Variants in ATAD5 observed in about 807,000 individuals in gnomAD.
ATAD5 encodes the protein ATPase family AAA domain-containing protein 5.
A neutral mutation model predicts 176.9 loss-of-function variants in ATAD5; 58 were observed. The ratio of observed to expected loss-of-function variants is 0.33; its 90% CI spans 0.27 to 0.41. The LOEUF is 0.41. Ranked by LOEUF, ATAD5 falls within the 10% of genes least tolerant of loss-of-function variation. ATAD5 has a pLI of 1.00. For synonymous variants in ATAD5, 640 were observed against 712.6 expected (o/e 0.90, Z 1.62); for missense variants, 1,789 against 2,094.1 (o/e 0.85, Z 2.84).
At chr17:30,866,799 A>T (rs1481923791) in intron 11 of ATAD5, among the ~76,000 whole-genome samples, 1 of 152,130 alleles carries the variant, frequency 6.6e-6, no homozygotes, top group Non-Finnish European at 1.5e-5. Context: ...TGGGCAACAG[A>T]GTAAGACTCT....
intron 6 of ATAD5, among the ~76,000 whole-genome samples, chr17:30,848,346 G>A (rs954909259): frequency 2.0e-5 from 3 of 151,696 alleles, no homozygotes; most frequent in Admixed American, 2.0e-4. Flanking sequence ...CCAAGGGTCA[G>A]GTGATCGTCC....
chr17:30,852,435 C>T (rs949116996), intron 6 of ATAD5, among the ~76,000 whole-genome samples: 2 of 152,108 alleles, frequency 1.3e-5, no homozygotes, highest in African/African-American at 2.4e-5. Flanking sequence ...TATTTAGAGA[C>T]GAAGGTCTAG....
intron 14 of ATAD5, among the ~76,000 whole-genome samples, chr17:30,872,273 C>G (rs975773817): frequency 6.6e-6 from 1 of 152,152 alleles, no homozygotes; most frequent in African/African-American, 2.4e-5. Flanking sequence ...TAGTCTAGGG[C>G]TAATTTTGCC....
At chr17:30,846,570 T>C (rs895442037) in intron 6 of ATAD5, among the ~76,000 whole-genome samples, 1 of 151,734 alleles carries the variant, frequency 6.6e-6, no homozygotes, top group African/African-American at 2.4e-5. Flanking sequence ...GCCCAGCTAA[T>C]TTTTGTATTT....
intron 14 of ATAD5, among the ~76,000 whole-genome samples, chr17:30,874,769 T>C (rs894787969): frequency 2.0e-5 from 3 of 151,220 alleles, no homozygotes; most frequent in African/African-American, 4.8e-5. Context: ...TAGCTGGGAT[T>C]ACAGGCACCT....
chr17:30,832,367 T>A lies in ATAD5; in HGVS notation c.20T>A (p.Met7Lys), dbSNP rs1369552395. 1 of 1,565,726 alleles carries A rather than the reference T, an allele frequency of 6.4e-7. No homozygotes were observed. The highest frequency in any genetic ancestry group is 2.5e-5 in the East Asian group (1 of 40,032). Reference sequence around the variant, plus strand: ...GGGAGTATGGTGGGGGTCCTGGCCATGGCGGCTGCAGCTGCTCCGCCTCCC... The same window carrying A: ...GGGAGTATGGTGGGGGTCCTGGCCAAGGCGGCTGCAGCTGCTCCGCCTCCC... MVGVLA[M>K]AAAAAPPPVK... The change falls in exon 1 of 23, where the codon ATG (methionine) becomes AAG (lysine). Residue 7 changes from methionine to lysine, a missense_variant. Physicochemically the swap from Met to Lys is moderately conservative, Grantham distance 95 (BLOSUM62 -1). This residue lies in a region of ATAD5 where 696 missense variants were observed against 712.5 expected (regional missense o/e 0.98). Transcript: ENST00000321990.
chr17:30,869,218 C>T, intron 12 of ATAD5, 30 bp from the exon 13 acceptor site: 4 of 1,580,456 alleles, frequency 2.5e-6, no homozygotes, highest in Non-Finnish European at 3.4e-6. Flanking sequence ...CAGCAATTGT[C>T]ATTTTATATG....
chr17:30,841,410 C>A (rs773105447), intron 4 of ATAD5, among the ~76,000 whole-genome samples: 6 of 152,150 alleles, frequency 3.9e-5, no homozygotes, highest in Non-Finnish European at 7.3e-5. Context: ...CAAGTACTCT[C>A]TTCTATGTGA....
At chr17:30,884,419 CTTTTCT>C (rs1909194829) in intron 18 of ATAD5, among the ~76,000 whole-genome samples, 4 of 117,676 alleles carry the variant, frequency 3.4e-5, no homozygotes, top group African/African-American at 1.5e-4. Context: ...TATTTCTTTT[CTTTTCT>C]TTTTTTTTTT....
rs186822822 is a variant in ATAD5 at position 30,832,260 on chromosome 17, A to T, written c.-88A>T. On this transcript the variant is annotated 5_prime_UTR_variant, in exon 1 of 23. Coordinates refer to ENST00000321990, the MANE Select transcript of ATAD5 (RefSeq NM_024857.5). ...AGCAGAATCCCAGCAGCTTGCTGCTACTGGAGCGGGCCGCCTCCATGGCCT... is the reference window on the plus strand; with the variant it reads ...AGCAGAATCCCAGCAGCTTGCTGCTTCTGGAGCGGGCCGCCTCCATGGCCT... 81 of 1,199,794 alleles carry T rather than the reference A, an allele frequency of 6.8e-5. 1 individual carries two copies. The East Asian group carries it at 1.1e-3, about 16-fold the overall frequency. The allele number at this position is 1,199,794 out of a possible 1,614,324, so 74.3% of individuals were successfully genotyped here.
chr17:30,861,371 T>C (rs998037407), intron 10 of ATAD5, among the ~76,000 whole-genome samples: 4 of 150,694 alleles, frequency 2.7e-5, no homozygotes, highest in Non-Finnish European at 4.4e-5. Context: ...TTCTCTCTCT[T>C]TTTTTTTTCT....
At position 30,892,609 on chromosome 17, in the gene ATAD5, G is replaced by A. The variant is rs771699179; in HGVS notation, c.4261G>A (p.Gly1421Arg). The change falls in exon 20 of 23, where the codon GGA becomes AGA. Residue 1421 changes from glycine (G) to arginine (R), a missense_variant and splice_region_variant. Coordinates refer to ENST00000321990, the MANE Select transcript of ATAD5 (RefSeq NM_024857.5). ...LEERPLTLYR[G>R]NSRNVQLVCS... ...TAAGATTTTCTTTTATTTTGTAGGT[G>A]GAAATAGCAGAAATGTACAACTAGT... is the stretch of plus-strand genomic sequence containing the variant. 2 of 1,541,224 alleles carry A rather than the reference G, an allele frequency of 1.3e-6. No homozygotes were observed. The highest frequency in any genetic ancestry group is 2.3e-5 in the East Asian group (1 of 43,252).
rs190067399 is a variant in ATAD5 at position 30,855,981 on chromosome 17, G to A, written c.2635+654G>A. Among the ~76,000 whole-genome samples the A allele has an allele frequency of 3.9e-5, 6 of 152,030 alleles. No individual in the cohort carries two copies. In the East Asian group the frequency reaches 1.2e-3, roughly 29 times the overall value. On this transcript the variant is annotated intron_variant, in intron 7 of 22. Transcript: ENST00000321990. ...CATCTCTGCCACTGGCCATTCAGTT[G>A]ATGAAGGCTTTCTTGTTATTTTTAC...
chr17:30,890,425 T>TC (rs1181112421), intron 19 of ATAD5, among the ~76,000 whole-genome samples: 2 of 144,274 alleles, frequency 1.4e-5, no homozygotes, highest in African/African-American at 2.5e-5. Flanking sequence ...TTTCTTTTTT[T>TC]TTTTTTTTTT....
In ATAD5 at chr17:30,835,936, G is replaced by A; in HGVS notation, c.1855G>A (p.Asp619Asn). ...AGGTATTGATTCTGACGATGTACAA[G>A]ATAATAGTCAACTAAAGGCTTCCAC... ...IRGIDSDDVQ[D>N]NSQLKASTQK... The change falls in exon 2 of 23, where the codon GAT (aspartate) becomes AAT (asparagine). Residue 619 changes from aspartate to asparagine, a missense_variant. By Grantham distance (23) the Asp-to-Asn change is conservative. Around this residue, in one of 6 missense-constraint regions of ATAD5, gnomAD observed 696 missense variants for 712.5 expected, o/e 0.98. Coordinates refer to ENST00000321990, the MANE Select transcript of ATAD5 (RefSeq NM_024857.5). 6.2e-7 allele frequency: 1 copy of A among 1,614,120 alleles called. No individual in the cohort carries two copies. Among genetic ancestry groups the A allele is most frequent in the Non-Finnish European group, 8.5e-7 (1 of 1,180,018 alleles).
At chr17:30,848,266 C>T (rs1438727802) in intron 6 of ATAD5, among the ~76,000 whole-genome samples, 1 of 150,692 alleles carries the variant, frequency 6.6e-6, no homozygotes, top group East Asian at 1.9e-4. Context: ...TTTTTTGAGA[C>T]GGAGTCTCAC....
intron 18 of ATAD5, among the ~76,000 whole-genome samples, chr17:30,886,067 C>T (rs1342174664): frequency 6.6e-6 from 1 of 151,834 alleles, no homozygotes; most frequent in Non-Finnish European, 1.5e-5. Context: ...CCCCCTTGGT[C>T]ATGATGTATT....
rs149510196 is a variant in ATAD5, at chr17:30,835,023, C to T, written c.942C>T (p.Ser314=). The T allele has an allele frequency of 3.2e-4, 510 of 1,613,740 alleles. 1 individual carries two copies. Among genetic ancestry groups the T allele is most frequent in the Non-Finnish European group, 4.2e-4 (501 of 1,179,962 alleles). The change falls in exon 2 of 23, where the codon TCC becomes TCT. Residue 314 remains serine (S), a synonymous_variant. Coordinates refer to ENST00000321990, the MANE Select transcript of ATAD5 (RefSeq NM_024857.5). Reference sequence around the variant, plus strand: ...GTGAATCAGAAAACTCCGAAATTTCCCAGCAGGTACGCTTTAAGACAGTTA... The same window carrying T: ...GTGAATCAGAAAACTCCGAAATTTCTCAGCAGGTACGCTTTAAGACAGTTA... The part of the protein sequence containing the change: ...YISESENSEI[S]QQVRFKTVTV...
At chr17:30,881,764 A>T (rs1007835252) in intron 18 of ATAD5, among the ~76,000 whole-genome samples, 2 of 151,910 alleles carry the variant, frequency 1.3e-5, no homozygotes, top group East Asian at 3.9e-4. Flanking sequence ...AATTAAAAAA[A>T]TTAGCTGGAT....
Sources: gnomAD v4.1 joint callset for allele counts (sites outside exome capture counted in the v4.1 genomes callset) on GRCh38, gnomAD v4.1.1 for gene constraint, gnomAD v4.1.1 regional missense constraint, MANE v1.5 for transcripts, NCBI Gene and HGNC (gene_info 2026-07-23, HGNC 2026-07-21) for gene names.